KIF21A: variants seen among roughly 807,000 people sequenced by gnomAD.
The protein encoded by KIF21A is kinesin family member 21A.
A neutral mutation model predicts 202.9 loss-of-function variants in KIF21A; 114 were observed. That is an observed-to-expected ratio of 0.56 (90% confidence interval 0.48 to 0.66). The LOEUF (loss-of-function observed/expected upper bound fraction) is 0.66, where lower values mean the gene tolerates loss of function less well. Ranked by LOEUF, KIF21A falls within the 30% of genes least tolerant of loss-of-function variation. The pLI is 0.00. For missense variants in KIF21A, 1,677 were observed against 1,994.9 expected (o/e 0.84, Z 3.04); for synonymous variants, 667 against 670.8 (o/e 0.99, Z 0.09).
At chr12:39,336,244 A>G (rs915943110) in intron 17 of KIF21A, among the ~76,000 whole-genome samples, 11 of 152,158 alleles carry the variant, frequency 7.2e-5, no homozygotes, top group Admixed American at 6.5e-4. Context: ...AGAAAAAAAA[A>G]ATCATAACTA....
At chr12:39,395,913 T>G (rs375193861) in intron 1 of KIF21A, among the ~76,000 whole-genome samples, 1 of 150,704 alleles carries the variant, frequency 6.6e-6, no homozygotes, top group South Asian at 2.1e-4. Flanking sequence ...CCTCTCCTCT[T>G]CATTCCTTCC....
intron 33 of KIF21A, among the ~76,000 whole-genome samples, 182 bp from the exon 34 acceptor site, chr12:39,307,911 T>A (rs1051841086): frequency 6.6e-6 from 1 of 152,172 alleles, no homozygotes; most frequent in African/African-American, 2.4e-5. Flanking sequence ...AATTATTTGG[T>A]AAGTGAAGAG....
intron 31 of KIF21A, 107 bp from the exon 32 acceptor site, chr12:39,311,660 G>T: frequency 9.4e-7 from 1 of 1,062,072 alleles, no homozygotes; most frequent in Non-Finnish European, 1.4e-6. Context: ...GTCTTTATAA[G>T]TAATTAGTAA....
rs369381971 is a variant in KIF21A at position 39,333,023 on chromosome 12, G to A, written c.2572C>T (p.Pro858Ser). 1.7e-5 allele frequency: 28 copies of A among 1,614,012 alleles called. No individual in the cohort carries two copies. Among genetic ancestry groups the A allele is most frequent in the Non-Finnish European group, 1.9e-5 (22 of 1,179,974 alleles). The change falls in exon 19 of 38, where the codon CCT (proline) becomes TCT (serine). Residue 858 changes from proline to serine, a missense_variant. By Grantham distance (74) the Pro-to-Ser change is moderately conservative (BLOSUM62 -1). Coordinates refer to ENST00000361418, the MANE Select transcript of KIF21A (RefSeq NM_001173464.2). ...GCACTGGAACCTGTGTCCTGAGCAG[G>A]TGCATCAGATGAACTCAGCTTCCGA... ...VTRKLSSSDA[P>S]AQDTGSSAAA...
rs1307686317 is a variant in KIF21A, at chr12:39,301,519, G to T, written c.4892C>A (p.Ala1631Asp). The T allele has an allele frequency of 6.2e-7, 1 of 1,613,852 alleles. No individual in the cohort carries two copies. ...EMKGHDSPIN[A>D]ICVNSTHIFT... ...AATGTGGGTGGAATTAACACATATG[G>T]CATTGATAGGACTATCATGACCCTT... Residue 1631 changes from alanine (A) to aspartate (D), a missense_variant, in exon 37 of 38, where the codon GCC (alanine) becomes GAC (aspartate). Ala to Asp is a moderately radical substitution (Grantham distance 126). Around this residue, in one of 3 missense-constraint regions of KIF21A, gnomAD observed 705 missense variants for 791.9 expected, o/e 0.89. Transcript: ENST00000361418.
At chr12:39,414,277 C>G (rs766359119) in intron 1 of KIF21A, among the ~76,000 whole-genome samples, 2 of 152,166 alleles carry the variant, frequency 1.3e-5, no homozygotes, top group Non-Finnish European at 2.9e-5. Flanking sequence ...ACAATTTATT[C>G]AATGACAAAA....
intron 25 of KIF21A, 150 bp from the exon 26 acceptor site, chr12:39,326,043 A>C (rs1013678010): frequency 3.9e-5 from 27 of 691,532 alleles, no homozygotes; most frequent in South Asian, 3.9e-4. Context: ...TTAATTTAAA[A>C]ATAATTCATT....
At position 39,358,296 on chromosome 12, in the gene KIF21A, T is replaced by G; in HGVS notation, c.1097A>C (p.Asn366Thr). Residue 366 changes from asparagine (N) to threonine (T), a missense_variant, in exon 8 of 38, where the codon AAT becomes ACT. Transcript: ENST00000361418. ...CTTATTCTTGATATTTCTAGCTCGA[T>G]TGGCGTATTTCAGGGTGTTTAACGT... ...METLNTLKYA[N>T]RARNIKNKVM... The G allele has an allele frequency of 6.2e-7, 1 of 1,614,102 alleles. No individual in the cohort carries two copies. Among genetic ancestry groups the G allele is most frequent in the Non-Finnish European group, 8.5e-7 (1 of 1,179,974 alleles).
rs780041023 is a variant in KIF21A at position 39,294,507 on chromosome 12, C to T, written c.4942G>A (p.Val1648Met). ...AAATTGCGAGCCTTCCAAATTCTCA[C>T]AGTTCGATCACTACAAAAAAATAAA... The part of the protein sequence containing the change: ...HIFTAADDRT[V>M]RIWKARNLQD... The change falls in exon 38 of 38, where the codon GTG becomes ATG. Residue 1648 changes from valine (V) to methionine (M), a missense_variant. Coordinates refer to ENST00000361418, the MANE Select transcript of KIF21A (RefSeq NM_001173464.2). 1 of 1,613,224 alleles carries T rather than the reference C, an allele frequency of 6.2e-7. No individual in the cohort carries two copies. The highest frequency in any genetic ancestry group is 1.7e-5 in the Admixed American group (1 of 60,018).
intron 22 of KIF21A, among the ~76,000 whole-genome samples, chr12:39,331,211 T>C (rs1486217571): frequency 6.6e-6 from 1 of 150,556 alleles, no homozygotes; most frequent in East Asian, 1.9e-4. Flanking sequence ...AGTCCCAACA[T>C]GGAAAAAAAA....
Position 39,342,118 on chromosome 12 carries a change from A to T in KIF21A, c.1719T>A (p.Ala573=). The T allele has an allele frequency of 6.2e-7, 1 of 1,605,886 alleles. No homozygotes were observed. The highest frequency in any genetic ancestry group is 8.5e-7 in the Non-Finnish European group (1 of 1,172,876). Residue 573 remains alanine, a synonymous_variant, in exon 13 of 38, where the codon GCT becomes GCA. Transcript: ENST00000361418. The part of the protein sequence containing the change: ...EESNREERSV[A]GKEDNTDTDQ... ...CAGTGTCTGTATTATCCTCTTTACCAGCCACACTAAAAAAAGGAACATAAG... is the reference window on the plus strand; with the variant it reads ...CAGTGTCTGTATTATCCTCTTTACCTGCCACACTAAAAAAAGGAACATAAG...
chr12:39,313,381 T>C (rs540657057), intron 31 of KIF21A, among the ~76,000 whole-genome samples: 3 of 151,998 alleles, frequency 2.0e-5, no homozygotes, highest in Admixed American at 2.0e-4. Context: ...GCTTATCAAT[T>C]TCATGGGGAA....
Position 39,294,417 on chromosome 12 carries a change from T to C in KIF21A, c.*7A>G. 1 of 1,596,276 alleles carries C rather than the reference T, an allele frequency of 6.3e-7. No homozygotes were observed. On this transcript the variant is annotated 3_prime_UTR_variant, in exon 38 of 38. Coordinates refer to ENST00000361418, the MANE Select transcript of KIF21A (RefSeq NM_001173464.2). ...GCATTCAGTTTACAACCTATCTTCA[T>C]TCATGTTTAATTACTGGCAATATCT...
chr12:39,381,442 C>T (rs1232581886), intron 1 of KIF21A, among the ~76,000 whole-genome samples: 1 of 151,830 alleles, frequency 6.6e-6, no homozygotes, highest in Non-Finnish European at 1.5e-5. Flanking sequence ...AAAGACTTGT[C>T]ATTTCATCTT....
chr12:39,435,184 C>T (rs760072008), intron 1 of KIF21A, among the ~76,000 whole-genome samples: 4 of 152,128 alleles, frequency 2.6e-5, no homozygotes, highest in Non-Finnish European at 5.9e-5. Flanking sequence ...ACTGAAGAAG[C>T]AGATGGATGT....
At chr12:39,309,147 C>T (rs964743062) in intron 33 of KIF21A, among the ~76,000 whole-genome samples, 3 of 152,150 alleles carry the variant, frequency 2.0e-5, no homozygotes, top group African/African-American at 7.2e-5. Context: ...TTAAAAAACA[C>T]TCTCAGCTTT....
chr12:39,373,740 C>T (rs1033510552), intron 1 of KIF21A, among the ~76,000 whole-genome samples: 2 of 152,130 alleles, frequency 1.3e-5, no homozygotes, highest in African/African-American at 2.4e-5. Flanking sequence ...ATTGCAGATA[C>T]GATAGCCAAT....
intron 1 of KIF21A, among the ~76,000 whole-genome samples, chr12:39,433,457 T>A (rs1284388308): frequency 2.0e-5 from 3 of 152,182 alleles, no homozygotes; most frequent in Non-Finnish European, 4.4e-5. Context: ...TGCTCTTTAA[T>A]CCACAGCCTA....
chr12:39,438,503 A>G lies in KIF21A; in HGVS notation c.44+4424T>C, dbSNP rs543579977. Reference sequence around the variant, plus strand: ...CAAATAAGTGCCAGTGAAAGACCTAAAACTGAGCTTCTGAATGTCCAAATA... The same window carrying G: ...CAAATAAGTGCCAGTGAAAGACCTAGAACTGAGCTTCTGAATGTCCAAATA... On this transcript the variant is annotated intron_variant, in intron 1 of 37. Coordinates refer to ENST00000361418, the MANE Select transcript of KIF21A (RefSeq NM_001173464.2). 1.2e-4 allele frequency among the ~76,000 whole-genome samples: 19 copies of G among 152,302 alleles called. No homozygotes were observed. The South Asian group carries it at 3.9e-3, about 32-fold the overall frequency.
Sources: allele counts gnomAD v4.1 joint callset (sites outside exome capture counted in the v4.1 genomes callset), GRCh38; gene constraint gnomAD v4.1.1; regional missense constraint gnomAD v4.1.1; transcripts MANE v1.5; gene names NCBI Gene and HGNC (gene_info 2026-07-23, HGNC 2026-07-21).